The following MAP2 variants were observed in gnomAD, a reference collection of about 807,000 sequenced individuals.
MAP2 encodes microtubule associated protein 2.
In MAP2, 14 loss-of-function variants were observed where a neutral mutation model predicts 137.6. The ratio of observed to expected loss-of-function variants is 0.10; its 90% CI spans 0.07 to 0.16. The LOEUF is 0.16. Among genes scored for constraint, MAP2 ranks in the 10% least tolerant of loss-of-function variants. The pLI is 1.00. For missense variants in MAP2, 2,088 were observed against 2,191.5 expected (o/e 0.95, Z 0.94); for synonymous variants, 786 against 782.3 (o/e 1.00, Z -0.08).
At chr2:209,617,899 T>A (rs1276363213) in intron 3 of MAP2, among the ~76,000 whole-genome samples, 4 of 152,154 alleles carry the variant, frequency 2.6e-5, no homozygotes, top group African/African-American at 9.6e-5. Context: ...TTTTTTATCC[T>A]GCATATGTTT....
At chr2:209,646,076 T>G (rs2094403360) in intron 4 of MAP2, among the ~76,000 whole-genome samples, 1 of 152,094 alleles carries the variant, frequency 6.6e-6, no homozygotes, top group Admixed American at 6.6e-5. Flanking sequence ...TCCCAGCTAC[T>G]TAAGAGGCTG....
At chr2:209,713,754 ACAACT>A (rs1425428868) in intron 13 of MAP2, among the ~76,000 whole-genome samples, 1 of 152,210 alleles carries the variant, frequency 6.6e-6, no homozygotes, top group Admixed American at 6.5e-5. Flanking sequence ...AATTTAGGTA[ACAACT>A]CAAGGAATAG....
intron 2 of MAP2, among the ~76,000 whole-genome samples, chr2:209,559,640 G>T (rs971621946): frequency 3.3e-5 from 5 of 152,070 alleles, no homozygotes; most frequent in African/African-American, 1.2e-4. Flanking sequence ...GATAGAGAAA[G>T]ACTCTGTCTC....
intron 2 of MAP2, among the ~76,000 whole-genome samples, chr2:209,529,904 G>A (rs288091): frequency 0.51 from 43,062 of 83,706 alleles, 10,841 homozygotes; most frequent in African/African-American, 0.75. Context: ...CCACCCGCCC[G>A]CCCATTAATG....
chr2:209,661,385 T>A lies in MAP2; in HGVS notation c.262+7953T>A, dbSNP rs187644302. ...GCAAATAAACAAGCTCGCCTAACAA[T>A]GCGAGAGGTTGCAGATTTTCCTTTC... is the stretch of plus-strand genomic sequence containing the variant. On this transcript the variant is annotated intron_variant, in intron 5 of 15. Transcript: ENST00000682079. 1.4e-3 allele frequency: 445 copies of A among 313,892 alleles called. 1 individual carries two copies. The highest frequency in any genetic ancestry group is 9.4e-3 in the African/African-American group (417 of 44,180). The allele number at this position is 313,892 out of a possible 1,614,324, so 19.4% of individuals were successfully genotyped here.
At chr2:209,530,568 T>C (rs2064963152) in intron 2 of MAP2, among the ~76,000 whole-genome samples, 1 of 152,204 alleles carries the variant, frequency 6.6e-6, no homozygotes, top group Non-Finnish European at 1.5e-5. Flanking sequence ...GATTATTTAA[T>C]TTGAGATTTT....
intron 2 of MAP2, among the ~76,000 whole-genome samples, chr2:209,534,109 C>A (rs1203059644): frequency 6.6e-6 from 1 of 152,306 alleles, no homozygotes; most frequent in South Asian, 2.1e-4. Flanking sequence ...CAAGCATAGA[C>A]CAACTTGATT....
At chr2:209,614,022 A>T (rs2088039882) in intron 3 of MAP2, among the ~76,000 whole-genome samples, 1 of 152,136 alleles carries the variant, frequency 6.6e-6, no homozygotes, top group Admixed American at 6.5e-5. Context: ...TTAATTATAG[A>T]CATTAAGTGG....
intron 2 of MAP2, among the ~76,000 whole-genome samples, chr2:209,519,124 A>G (rs545035987): frequency 1.3e-5 from 2 of 152,216 alleles, no homozygotes; most frequent in Admixed American, 1.3e-4. Flanking sequence ...AGTAATAGAA[A>G]AAGAAAACAC....
At chr2:209,674,042 A>G (rs2050116191) in intron 5 of MAP2, among the ~76,000 whole-genome samples, 1 of 151,810 alleles carries the variant, frequency 6.6e-6, no homozygotes. Context: ...CATCCAGGAA[A>G]CTGGGTGTGA....
chr2:209,460,354 A>G (rs374444523), intron 1 of MAP2, among the ~76,000 whole-genome samples: 4 of 152,164 alleles, frequency 2.6e-5, no homozygotes, highest in African/African-American at 7.2e-5. Context: ...GGTGGTTTTA[A>G]AAAGAACAAA....
intron 3 of MAP2, among the ~76,000 whole-genome samples, chr2:209,592,919 T>A (rs186363829): frequency 3.7e-4 from 57 of 152,260 alleles, no homozygotes; most frequent in East Asian, 3.7e-3. Flanking sequence ...ACCTATAATG[T>A]CTCCTTTTTC....
intron 4 of MAP2, among the ~76,000 whole-genome samples, chr2:209,639,520 C>T (rs1274136799): frequency 1.3e-5 from 2 of 152,132 alleles, no homozygotes; most frequent in Non-Finnish European, 2.9e-5. Flanking sequence ...CTATCCTTAG[C>T]CATGTCTTCT....
At chr2:209,669,125 T>C (rs1231703684) in intron 5 of MAP2, among the ~76,000 whole-genome samples, 1 of 152,096 alleles carries the variant, frequency 6.6e-6, no homozygotes. Flanking sequence ...GAACAGTCAC[T>C]TATTTACAAC....
chr2:209,445,334 A>T (rs537962057), intron 1 of MAP2, among the ~76,000 whole-genome samples: 2 of 151,790 alleles, frequency 1.3e-5, no homozygotes, highest in East Asian at 1.9e-4. Flanking sequence ...TTCTCTGCTG[A>T]GGTAATGGTG....
At chr2:209,567,272 T>C (rs1297083068) in intron 2 of MAP2, among the ~76,000 whole-genome samples, 3 of 152,092 alleles carry the variant, frequency 2.0e-5, no homozygotes, top group Admixed American at 6.6e-5. Context: ...GTAAAACACA[T>C]CAAGTTTGCC....
At chr2:209,538,793 T>C (rs991991279) in intron 2 of MAP2, among the ~76,000 whole-genome samples, 1 of 152,130 alleles carries the variant, frequency 6.6e-6, no homozygotes, top group Non-Finnish European at 1.5e-5. Flanking sequence ...ATAAAATCTG[T>C]CGCTGAATAC....
At chr2:209,511,701 G>T (rs1476982939) in intron 2 of MAP2, among the ~76,000 whole-genome samples, 1 of 151,946 alleles carries the variant, frequency 6.6e-6, no homozygotes, top group Non-Finnish European at 1.5e-5. Context: ...CTCCTGATTA[G>T]CTTAGGAGTA....
At chr2:209,453,611 T>C (rs906782665) in intron 1 of MAP2, among the ~76,000 whole-genome samples, 1 of 152,248 alleles carries the variant, frequency 6.6e-6, no homozygotes, top group East Asian at 1.9e-4. Flanking sequence ...AACATTTATA[T>C]GTGCCCATTT....
Sources: gnomAD v4.1 joint callset for allele counts (sites outside exome capture counted in the v4.1 genomes callset) on GRCh38, gnomAD v4.1.1 for gene constraint, MANE v1.5 for transcripts, NCBI Gene and HGNC (gene_info 2026-07-23, HGNC 2026-07-21) for gene names.